The following LHFPL2 variants were observed in gnomAD, a reference collection of about 807,000 sequenced individuals.
LHFPL2 encodes the protein LHFPL tetraspan subfamily member 2 protein.
A neutral mutation model predicts 17.5 loss-of-function variants in LHFPL2; 7 were observed. That is an observed-to-expected ratio of 0.40 (90% CI 0.23 to 0.75). The LOEUF (loss-of-function observed/expected upper bound fraction) is 0.75. LHFPL2 is among the 30% of genes least tolerant of loss of function. The pLI, the probability that LHFPL2 is intolerant of heterozygous loss-of-function variation, is 0.37. For missense variants in LHFPL2, 241 were observed against 294.8 expected, an observed-to-expected ratio of 0.82 and a Z score of 1.34; for synonymous variants, 134 against 116.2, an observed-to-expected ratio of 1.15 and a Z score of -0.99.
intron 4 of LHFPL2, chr5:78,494,505 TGGG>T: frequency 2.0e-6 from 2 of 985,302 alleles, no homozygotes; most frequent in Non-Finnish European, 2.4e-6. Context: ...CTGCTGGCAA[TGGG>T]GGGATCACAT....
At chr5:78,599,979 G>A (rs959915642) in intron 2 of LHFPL2, among the ~76,000 whole-genome samples, 1 of 152,070 alleles carries the variant, frequency 6.6e-6, no homozygotes, top group East Asian at 1.9e-4. Context: ...GGAAAATCTT[G>A]TAACTTTATA....
intron 3 of LHFPL2, among the ~76,000 whole-genome samples, chr5:78,563,731 A>G (rs1448365434): frequency 6.6e-6 from 1 of 151,686 alleles, no homozygotes; most frequent in Non-Finnish European, 1.5e-5. Context: ...TATCAGTTTG[A>G]TAAGGTGCCA....
intron 4 of LHFPL2, among the ~76,000 whole-genome samples, chr5:78,498,739 C>T (rs1754683809): frequency 6.6e-6 from 1 of 152,028 alleles, no homozygotes; most frequent in African/African-American, 2.4e-5. Context: ...CAAGAGACAC[C>T]CTACTTCAGA....
intron 2 of LHFPL2, among the ~76,000 whole-genome samples, chr5:78,600,995 G>A (rs141264777): frequency 2.7e-4 from 41 of 152,242 alleles, no homozygotes; most frequent in East Asian, 2.5e-3. Flanking sequence ...AAAGAAAATC[G>A]GATTTAAATC....
intron 2 of LHFPL2, among the ~76,000 whole-genome samples, chr5:78,588,305 C>T (rs938446529): frequency 6.6e-6 from 1 of 152,138 alleles, no homozygotes; most frequent in Non-Finnish European, 1.5e-5. Flanking sequence ...CGAGTGATTA[C>T]GAATACAGGT....
At chr5:78,558,483 T>G (rs141243917) in intron 3 of LHFPL2, among the ~76,000 whole-genome samples, 2 of 152,196 alleles carry the variant, frequency 1.3e-5, no homozygotes, top group Middle Eastern at 3.4e-3. Flanking sequence ...GCCTTTTTCA[T>G]GGACTTCCAC....
intron 3 of LHFPL2, among the ~76,000 whole-genome samples, chr5:78,535,210 C>T (rs966271095): frequency 6.6e-6 from 1 of 152,120 alleles, no homozygotes; most frequent in Non-Finnish European, 1.5e-5. Context: ...GGCCATTTGC[C>T]GAGGGGCTGC....
chr5:78,618,005 C>T (rs753944335), intron 2 of LHFPL2, among the ~76,000 whole-genome samples: 80 of 151,996 alleles, frequency 5.3e-4, no homozygotes, highest in Non-Finnish European at 1.0e-3. Flanking sequence ...AAGTTTGAGA[C>T]CAGCCTGGCC....
chr5:78,501,381 G>C (rs1013014536), intron 4 of LHFPL2, among the ~76,000 whole-genome samples: 1 of 152,134 alleles, frequency 6.6e-6, no homozygotes, highest in Non-Finnish European at 1.5e-5. Context: ...GCACAGAGTG[G>C]ACCAGCACTC....
At chr5:78,599,690 T>TGA (rs959370613) in intron 2 of LHFPL2, among the ~76,000 whole-genome samples, 3 of 151,936 alleles carry the variant, frequency 2.0e-5, no homozygotes, top group African/African-American at 7.3e-5. Flanking sequence ...AACAATTAAG[T>TGA]GAATAAAAAA....
intron 3 of LHFPL2, among the ~76,000 whole-genome samples, chr5:78,542,532 C>T (rs1245381669): frequency 6.6e-6 from 1 of 152,136 alleles, no homozygotes; most frequent in Non-Finnish European, 1.5e-5. Flanking sequence ...CAGTTCCAGC[C>T]AAATGGATTT....
intron 4 of LHFPL2, among the ~76,000 whole-genome samples, chr5:78,503,487 AG>A (rs1313661695): frequency 1.9e-4 from 29 of 152,208 alleles, no homozygotes; most frequent in Admixed American, 1.9e-3. Flanking sequence ...ACCTGAGGTC[AG>A]GAGTACGAGA....
chr5:78,606,314 C>T (rs576365748), intron 2 of LHFPL2, among the ~76,000 whole-genome samples: 213 of 152,326 alleles, frequency 1.4e-3, no homozygotes, highest in African/African-American at 4.9e-3. Context: ...GCAGCCTTCA[C>T]TTTTTTATGC....
chr5:78,623,026 A>G (rs1744913688), intron 2 of LHFPL2, among the ~76,000 whole-genome samples: 1 of 152,186 alleles, frequency 6.6e-6, no homozygotes, highest in South Asian at 2.1e-4. Context: ...GAAAATAGAG[A>G]AGATACAAAT....
At chr5:78,514,073 C>T (rs1013706904) in intron 3 of LHFPL2, among the ~76,000 whole-genome samples, 2 of 152,196 alleles carry the variant, frequency 1.3e-5, no homozygotes, top group African/African-American at 4.8e-5. Flanking sequence ...ATCCTCATGA[C>T]AGAACCTTAT....
At chr5:78,530,501 C>T (rs1269609957) in intron 3 of LHFPL2, among the ~76,000 whole-genome samples, 5 of 152,166 alleles carry the variant, frequency 3.3e-5, no homozygotes, top group Non-Finnish European at 7.4e-5. Context: ...TGTATTTATT[C>T]ATTTATTCCC....
At chr5:78,538,064 A>C (rs962260911) in intron 3 of LHFPL2, among the ~76,000 whole-genome samples, 2 of 152,168 alleles carry the variant, frequency 1.3e-5, no homozygotes, top group African/African-American at 4.8e-5. Flanking sequence ...AATCTTCTCA[A>C]TAGAGCCCCT....
chr5:78,610,502 C>T (rs950043130), intron 2 of LHFPL2, among the ~76,000 whole-genome samples: 9 of 152,118 alleles, frequency 5.9e-5, no homozygotes, highest in Non-Finnish European at 1.2e-4. Context: ...CTGCTGGGGA[C>T]CCAGAACTGT....
intron 2 of LHFPL2, among the ~76,000 whole-genome samples, chr5:78,574,617 G>A (rs1156425756): frequency 6.6e-6 from 1 of 152,206 alleles, no homozygotes; most frequent in African/African-American, 2.4e-5. Context: ...AGGGAAAACG[G>A]TTTTAACCAA....
Sources: gnomAD v4.1 joint callset for allele counts (sites outside exome capture counted in the v4.1 genomes callset) on GRCh38, gnomAD v4.1.1 for gene constraint, MANE v1.5 for transcripts, NCBI Gene and HGNC (gene_info 2026-07-23, HGNC 2026-07-21) for gene names.